Variants in RBFOX1 observed in about 807,000 individuals in gnomAD.
The protein encoded by RBFOX1 is RNA binding protein fox-1 homolog 1.
In RBFOX1, 8 loss-of-function variants were observed where a neutral mutation model predicts 57.7. That is an observed-to-expected ratio of 0.14 (90% CI 0.08 to 0.25). RBFOX1 has a LOEUF of 0.25. Among genes scored for constraint, RBFOX1 ranks in the 10% least tolerant of loss-of-function variants. The probability of loss-of-function intolerance (pLI) is 1.00; values close to 1 mark genes in which losing one functional copy is unlikely to be tolerated. For synonymous variants in RBFOX1, 326 were observed against 222.4 expected (o/e 1.47, Z -4.15); for missense variants, 611 against 548.5 (o/e 1.11, Z -1.14).
intron 2 of RBFOX1, among the ~76,000 whole-genome samples, chr16:6,568,992 C>G (rs528056474): frequency 2.6e-5 from 4 of 152,208 alleles, no homozygotes; most frequent in African/African-American, 7.2e-5. Flanking sequence ...AGGCTGGTCT[C>G]AAACTCCCAA....
At chr16:6,194,899 A>C (rs560084728) in intron 1 of RBFOX1, among the ~76,000 whole-genome samples, 1 of 152,388 alleles carries the variant, frequency 6.6e-6, no homozygotes, top group South Asian at 2.1e-4. Context: ...AGTGACTACT[A>C]GAATGAATGA....
intron 4 of RBFOX1, among the ~76,000 whole-genome samples, chr16:7,466,761 A>G (rs1045321613): frequency 8.5e-5 from 13 of 152,210 alleles, no homozygotes; most frequent in African/African-American, 2.4e-4. Flanking sequence ...GGTGTGTGCA[A>G]TCAAGGGAGT....
chr16:6,588,082 T>A (rs1252086350), intron 2 of RBFOX1, among the ~76,000 whole-genome samples: 1 of 151,434 alleles, frequency 6.6e-6, no homozygotes, highest in African/African-American at 2.4e-5. Flanking sequence ...AATACAAAAA[T>A]TAGCTGGGCG....
chr16:7,703,796 T>G (rs1378448887), intron 14 of RBFOX1, among the ~76,000 whole-genome samples: 2 of 152,220 alleles, frequency 1.3e-5, no homozygotes, highest in African/African-American at 4.8e-5. Context: ...TTCAAGTAAG[T>G]ATATCCATTT....
intron 4 of RBFOX1, among the ~76,000 whole-genome samples, chr16:5,999,494 A>T: frequency 6.6e-6 from 1 of 152,214 alleles, no homozygotes; most frequent in East Asian, 1.9e-4. Flanking sequence ...ATGAAACAAA[A>T]CTTACATGCT....
intron 1 of RBFOX1, among the ~76,000 whole-genome samples, chr16:5,452,124 T>C: frequency 6.8e-6 from 1 of 147,150 alleles, no homozygotes; most frequent in African/African-American, 2.5e-5. Flanking sequence ...CTCTTTTTTT[T>C]TTTTTTTTTT....
intron 4 of RBFOX1, among the ~76,000 whole-genome samples, chr16:7,471,963 G>A (rs562118371): frequency 6.6e-6 from 1 of 152,284 alleles, no homozygotes; most frequent in South Asian, 2.1e-4. Flanking sequence ...GACAAAAAAG[G>A]TGCTTGGGAC....
chr16:6,188,875 AC>A (rs1299478854), intron 1 of RBFOX1, among the ~76,000 whole-genome samples: 2 of 149,506 alleles, frequency 1.3e-5, no homozygotes, highest in African/African-American at 5.1e-5. Flanking sequence ...GTAGTAGTGG[AC>A]TAAAACACCA....
At chr16:6,741,690 G>T (rs894492046) in intron 3 of RBFOX1, among the ~76,000 whole-genome samples, 5 of 151,760 alleles carry the variant, frequency 3.3e-5, no homozygotes, top group Non-Finnish European at 5.9e-5. Flanking sequence ...AAAAATTAAG[G>T]ATGTGGTCTC....
intron 1 of RBFOX1, among the ~76,000 whole-genome samples, chr16:6,217,625 G>A (rs776142165): frequency 1.3e-5 from 2 of 152,156 alleles, no homozygotes; most frequent in Non-Finnish European, 2.9e-5. Flanking sequence ...TTTGCATGTT[G>A]ACGGGCTGAG....
intron 2 of RBFOX1, among the ~76,000 whole-genome samples, chr16:6,406,604 C>T (rs374209751): frequency 5.5e-4 from 82 of 150,416 alleles, no homozygotes; most frequent in African/African-American, 1.8e-3. Context: ...ATTTTAAGCA[C>T]CCTATTGATA....
In RBFOX1 at chr16:7,465,207, C is replaced by T. The variant is rs1436851307; in HGVS notation, c.28-52940C>T. Among the ~76,000 whole-genome samples the T allele has an allele frequency of 1.3e-5, 2 of 152,160 alleles. 1 individual carries two copies. Among genetic ancestry groups the T allele is most frequent in the South Asian group, 4.1e-4 (2 of 4,820 alleles). ...CTTTACAAACCTAGCTCAATCTTGT[C>T]AGCAAACTCTCAGCTCACATGTCAC... On this transcript the variant is annotated intron_variant, in intron 4 of 15. Transcript: ENST00000550418.
chr16:5,589,764 C>G (rs2046946457), intron 2 of RBFOX1, among the ~76,000 whole-genome samples: 1 of 152,152 alleles, frequency 6.6e-6, no homozygotes, highest in Non-Finnish European at 1.5e-5. Flanking sequence ...GGTGAAGTCA[C>G]TTTCCCAGGA....
intron 2 of RBFOX1, among the ~76,000 whole-genome samples, chr16:6,601,892 T>C (rs1180900684): frequency 1.3e-5 from 2 of 152,056 alleles, no homozygotes; most frequent in Non-Finnish European, 2.9e-5. Context: ...AGAGTCACAG[T>C]TTGTGCATTT....
At chr16:6,070,660 C>T (rs930662070) in intron 1 of RBFOX1, among the ~76,000 whole-genome samples, 1 of 146,770 alleles carries the variant, frequency 6.8e-6, no homozygotes, top group African/African-American at 2.6e-5. Context: ...CAAAGTTTAG[C>T]TTTTCTAAAA....
chr16:6,656,007 A>T (rs2098648483), intron 3 of RBFOX1, among the ~76,000 whole-genome samples: 1 of 152,194 alleles, frequency 6.6e-6, no homozygotes, highest in South Asian at 2.1e-4. Context: ...AATCTGCGTG[A>T]TCCCAGCTTG....
At chr16:7,503,618 C>T (rs1373026216) in intron 4 of RBFOX1, among the ~76,000 whole-genome samples, 3 of 152,068 alleles carry the variant, frequency 2.0e-5, no homozygotes, top group African/African-American at 7.2e-5. Context: ...AAGAACTTTT[C>T]CCCCTTTAGA....
chr16:6,709,631 A>G (rs752674130), intron 3 of RBFOX1, among the ~76,000 whole-genome samples: 4 of 152,050 alleles, frequency 2.6e-5, no homozygotes, highest in African/African-American at 4.8e-5. Flanking sequence ...TCCTGATTCG[A>G]TCTATGCTTA....
At chr16:6,319,670 G>A (rs182789204) in intron 2 of RBFOX1, among the ~76,000 whole-genome samples, 9 of 152,312 alleles carry the variant, frequency 5.9e-5, no homozygotes, top group Admixed American at 5.9e-4. Flanking sequence ...TGGTGTAAGA[G>A]AATGAGCTCC....
Sources: gnomAD v4.1 joint callset for allele counts (sites outside exome capture counted in the v4.1 genomes callset) on GRCh38, gnomAD v4.1.1 for gene constraint, MANE v1.5 for transcripts, NCBI Gene and HGNC (gene_info 2026-07-23, HGNC 2026-07-21) for gene names.